C1QB: variants seen among roughly 807,000 people sequenced by gnomAD.
C1QB encodes complement C1q subcomponent subunit B.
In C1QB, 2 loss-of-function variants were observed where a neutral mutation model predicts 4.6. The ratio of observed to expected loss-of-function variants is 0.43; its 90% CI spans 0.18 to 1.36. The LOEUF (loss-of-function observed/expected upper bound fraction) is 1.36. Among genes scored for constraint, C1QB ranks in the 40% most tolerant of loss-of-function variants. The probability of loss-of-function intolerance (pLI) is 0.28; values close to 1 mark genes in which losing one functional copy is unlikely to be tolerated. For synonymous variants in C1QB, 132 were observed against 137.1 expected (o/e 0.96, Z 0.26); for missense variants, 292 against 338.0 (o/e 0.86, Z 1.07).
At position 22,661,170 on chromosome 1, in the gene C1QB, G is replaced by T; in HGVS notation, c.540G>T (p.Val180=). The change falls in exon 3 of 3, where the codon GTG becomes GTT. Residue 180 remains valine (V), a synonymous_variant. Transcript: ENST00000509305. ...YHASSRGNLC[V]NLMRGRERAQ... Reference sequence around the variant, plus strand: ...CCAGCTCTCGAGGGAACCTGTGCGTGAACCTCATGCGTGGCCGGGAGCGTG... The same window carrying T: ...CCAGCTCTCGAGGGAACCTGTGCGTTAACCTCATGCGTGGCCGGGAGCGTG... 6.2e-7 allele frequency: 1 copy of T among 1,614,128 alleles called. No homozygotes were observed. The highest frequency in any genetic ancestry group is 8.5e-7 in the Non-Finnish European group (1 of 1,180,020).
chr1:22,658,745 T>C (rs1036193876), intron 1 of C1QB, among the ~76,000 whole-genome samples: 7 of 149,840 alleles, frequency 4.7e-5, no homozygotes, highest in Admixed American at 2.0e-4. Context: ...GATGAACGGA[T>C]GGATGGATAG....
intron 1 of C1QB, among the ~76,000 whole-genome samples, chr1:22,657,618 C>A (rs1353159403): frequency 6.6e-6 from 1 of 152,102 alleles, no homozygotes; most frequent in Admixed American, 6.5e-5. Context: ...GCTTAACGGG[C>A]ATAGAGTTTT....
chr1:22,660,858 A>G lies in C1QB; in HGVS notation c.228A>G (p.Gly76=), dbSNP rs746836733. Reference sequence around the variant, plus strand: ...ACCATGGTGAGTTCGGAGAGAAGGGAGACCCAGGGATTCCTGGGAATCCAG... The same window carrying G: ...ACCATGGTGAGTTCGGAGAGAAGGGGGACCCAGGGATTCCTGGGAATCCAG... The part of the protein sequence containing the change: ...AGDHGEFGEK[G]DPGIPGNPGK... Residue 76 remains glycine, a synonymous_variant, in exon 3 of 3, where the codon GGA becomes GGG. Coordinates refer to ENST00000509305, the MANE Select transcript of C1QB (RefSeq NM_001378156.1). The G allele has an allele frequency of 2.5e-5, 40 of 1,613,684 alleles. No homozygotes were observed. The highest frequency in any genetic ancestry group is 1.0e-4 in the Admixed American group (6 of 59,988).
chr1:22,660,709 G>A, intron 2 of C1QB, 103 bp from the exon 3 acceptor site: 2 of 1,176,942 alleles, frequency 1.7e-6, no homozygotes, highest in South Asian at 2.5e-5. Context: ...TTACAGATGG[G>A]AGACTGAGGC....
intron 1 of C1QB, among the ~76,000 whole-genome samples, chr1:22,657,092 T>G (rs1469209633): frequency 6.6e-6 from 1 of 152,094 alleles, no homozygotes; most frequent in Non-Finnish European, 1.5e-5. Flanking sequence ...CTTTATTATG[T>G]AGGCACGATT....
intron 1 of C1QB, among the ~76,000 whole-genome samples, chr1:22,656,151 C>T (rs1165201514): frequency 6.6e-6 from 1 of 152,148 alleles, no homozygotes; most frequent in African/African-American, 2.4e-5. Flanking sequence ...TGCGTTGAGG[C>T]ACCACACGGG....
chr1:22,655,632 T>A (rs934938255), intron 1 of C1QB, among the ~76,000 whole-genome samples: 1 of 152,176 alleles, frequency 6.6e-6, no homozygotes, highest in African/African-American at 2.4e-5. Flanking sequence ...TTTCCTCATC[T>A]GCAAGATGGG....
intron 2 of C1QB, 105 bp from the exon 3 acceptor site, chr1:22,660,706 TG>T: frequency 1.7e-6 from 2 of 1,148,444 alleles, no homozygotes; most frequent in Non-Finnish European, 2.6e-6. Flanking sequence ...GTTTTACAGA[TG>T]GGAGACTGAG....
chr1:22,653,348 A>G (rs1642481874), intron 1 of C1QB, 45 bp downstream of exon 1: 3 of 152,576 alleles, frequency 2.0e-5, no homozygotes, highest in Admixed American at 2.0e-4. Flanking sequence ...CAGGGCCAAT[A>G]TGGCAGAAAG....
chr1:22,661,174 C>T lies in C1QB; in HGVS notation c.544C>T (p.Leu182Phe), dbSNP rs923958953. The T allele has an allele frequency of 1.2e-6, 2 of 1,614,174 alleles. No individual in the cohort carries two copies. The highest frequency in any genetic ancestry group is 1.7e-6 in the Non-Finnish European group (2 of 1,180,030). Residue 182 changes from leucine (L) to phenylalanine (F), a missense_variant, in exon 3 of 3, where the codon CTC (leucine) becomes TTC (phenylalanine). Transcript: ENST00000509305. ...ASSRGNLCVN[L>F]MRGRERAQKV... Reference sequence around the variant, plus strand: ...CTCTCGAGGGAACCTGTGCGTGAACCTCATGCGTGGCCGGGAGCGTGCACA... The same window carrying T: ...CTCTCGAGGGAACCTGTGCGTGAACTTCATGCGTGGCCGGGAGCGTGCACA...
Position 22,660,695 on chromosome 1 carries a change from C to T in C1QB, c.182-117C>T, listed in dbSNP as rs144010677. ...AGCCCCTGCCTGACACTGCCTCCTT[C>T]GTTTTACAGATGGGAGACTGAGGCT... is the stretch of plus-strand genomic sequence containing the variant. On this transcript the variant is annotated intron_variant, in intron 2 of 2. Transcript: ENST00000509305. 2.7e-4 allele frequency: 280 copies of T among 1,056,002 alleles called. No homozygotes were observed. In the African/African-American group the frequency reaches 3.8e-3, roughly 14 times the overall value. The allele number at this position is 1,056,002 out of a possible 1,614,324, so 65.4% of individuals were successfully genotyped here.
Position 22,661,270 on chromosome 1 carries a change from C to T in C1QB, c.640C>T (p.Leu214=). 6.2e-7 allele frequency: 1 copy of T among 1,613,680 alleles called. No individual in the cohort carries two copies. Among genetic ancestry groups the T allele is most frequent in the Non-Finnish European group, 8.5e-7 (1 of 1,179,640 alleles). ...CACCACCGGTGGCATGGTCCTCAAG[C>T]TGGAGCAGGGGGAGAACGTCTTCCT... The part of the protein sequence containing the change: ...QVTTGGMVLK[L]EQGENVFLQA... The change falls in exon 3 of 3, where the codon CTG becomes TTG. Residue 214 remains leucine (L), a synonymous_variant. Coordinates refer to ENST00000509305, the MANE Select transcript of C1QB (RefSeq NM_001378156.1).
intron 2 of C1QB, among the ~76,000 whole-genome samples, chr1:22,660,047 G>A (rs147531252): frequency 1.8e-3 from 268 of 152,234 alleles, no homozygotes; most frequent in Non-Finnish European, 3.3e-3. Context: ...GGTTGTCATG[G>A]GGTTCAAATG....
In C1QB at chr1:22,661,528, G is replaced by A. The variant is rs536672537; in HGVS notation, c.*142G>A. The A allele has an allele frequency of 1.2e-5, 11 of 949,856 alleles. No homozygotes were observed. In the African/African-American group the frequency reaches 1.3e-4, roughly 11 times the overall value. 58.8% of individuals were successfully genotyped at this position (949,856 alleles called of 1,614,324 possible). A position where few individuals can be genotyped will look rare whatever the true frequency, so the allele number is the denominator to read the frequency against. ...TGAATGAGTAAATAAACTCTTCAAG[G>A]CCAAGGGACAGTGGTCTAATTCAAC... On this transcript the variant is annotated 3_prime_UTR_variant, in exon 3 of 3. Transcript: ENST00000509305.
Position 22,660,407 on chromosome 1 carries a change from G to A in C1QB, c.182-405G>A, listed in dbSNP as rs940202211. 8.5e-5 allele frequency among the ~76,000 whole-genome samples: 13 copies of A among 152,260 alleles called. No individual in the cohort carries two copies. In the East Asian group the frequency reaches 2.5e-3, roughly 29 times the overall value. On this transcript the variant is annotated intron_variant, in intron 2 of 2. Transcript: ENST00000509305. ...GTAGTGGCTGCTTGGGGGGTGGAGT[G>A]AGAAGGAGTCTAAAGTCCATTTCCA...
At chr1:22,655,613 G>A (rs373893132) in intron 1 of C1QB, among the ~76,000 whole-genome samples, 64 of 152,290 alleles carry the variant, frequency 4.2e-4, no homozygotes, top group Admixed American at 2.9e-3. Flanking sequence ...TCTAAGTTCC[G>A]ATCCTCAGTT....
chr1:22,653,640 C>T (rs1307601713), intron 1 of C1QB, among the ~76,000 whole-genome samples: 1 of 152,170 alleles, frequency 6.6e-6, no homozygotes, highest in Non-Finnish European at 1.5e-5. Context: ...TCAGCCCGGC[C>T]CCCCTACAGA....
At chr1:22,656,614 A>C (rs1642534809) in intron 1 of C1QB, among the ~76,000 whole-genome samples, 1 of 152,220 alleles carries the variant, frequency 6.6e-6, no homozygotes, top group Non-Finnish European at 1.5e-5. Context: ...ACAACAATCA[A>C]CACAGAAGAC....
intron 1 of C1QB, among the ~76,000 whole-genome samples, chr1:22,658,322 C>T (rs1320536411): frequency 6.6e-6 from 1 of 152,188 alleles, no homozygotes; most frequent in Non-Finnish European, 1.5e-5. Context: ...CCTCCTGGAA[C>T]ATTCTTGCCC....
Sources: gnomAD v4.1 joint callset for allele counts (sites outside exome capture counted in the v4.1 genomes callset) on GRCh38, gnomAD v4.1.1 for gene constraint, MANE v1.5 for transcripts, NCBI Gene and HGNC (gene_info 2026-07-23, HGNC 2026-07-21) for gene names.